Variants in SETD3 observed in about 807,000 individuals in gnomAD.
SETD3 encodes SET domain containing 3, actin N3(tau)-histidine methyltransferase, also known as actin-histidine N-methyltransferase.
In SETD3, 19 loss-of-function variants were observed where a neutral mutation model predicts 63.0. That is an observed-to-expected ratio of 0.30 (90% CI 0.21 to 0.44). The LOEUF is 0.44. SETD3 is among the 20% of genes least tolerant of loss of function. SETD3 has a pLI of 1.00. For missense variants in SETD3, 587 were observed against 728.5 expected (o/e 0.81, Z 2.24); for synonymous variants, 286 against 264.1 (o/e 1.08, Z -0.80).
At chr14:99,399,336 C>T (rs1373044349) in intron 12 of SETD3, among the ~76,000 whole-genome samples, 1 of 152,092 alleles carries the variant, frequency 6.6e-6, no homozygotes, top group Non-Finnish European at 1.5e-5. Flanking sequence ...TAAATTATAC[C>T]TCAATGGAAA....
chr14:99,432,021 G>C (rs539395831), intron 6 of SETD3, among the ~76,000 whole-genome samples: 1 of 152,250 alleles, frequency 6.6e-6, no homozygotes, highest in South Asian at 2.1e-4. Flanking sequence ...AATGACAGCT[G>C]TCATTCAAGA....
chr14:99,482,016 C>T (rs1896346081), upstream of SETD3, among the ~76,000 whole-genome samples: 1 of 152,150 alleles, frequency 6.6e-6, no homozygotes, highest in African/African-American at 2.4e-5. Context: ...ATCGTCTTTA[C>T]GGACCCGCTC....
chr14:99,411,225 G>C (rs1414304591), intron 8 of SETD3: 1 of 152,186 alleles, frequency 6.6e-6, no homozygotes, highest in Non-Finnish European at 1.5e-5. Flanking sequence ...GTTTCTGCCA[G>C]GACTGTGGTA....
upstream of SETD3, chr14:99,481,249 A>C (rs1356154466): frequency 1.5e-5 from 6 of 395,692 alleles, no homozygotes; most frequent in Non-Finnish European, 2.7e-5. Context: ...CTCTGTAAGC[A>C]GCAGCCACTG....
chr14:99,418,836 T>C (rs1241390098), intron 6 of SETD3, among the ~76,000 whole-genome samples: 2 of 152,016 alleles, frequency 1.3e-5, no homozygotes, highest in African/African-American at 4.8e-5. Context: ...AGAAGAAAGC[T>C]GAATATTGGA....
chr14:99,407,154 ACTG>A (rs1187861173), intron 8 of SETD3, among the ~76,000 whole-genome samples: 2 of 152,336 alleles, frequency 1.3e-5, no homozygotes, highest in South Asian at 2.1e-4. Context: ...AAATAAAATA[ACTG>A]CTGTTTTTTA....
rs982595962 is a variant in SETD3 at position 99,465,718 on chromosome 14, T to C, written c.88A>G (p.Ser30Gly). 3 of 1,613,856 alleles carry C rather than the reference T, an allele frequency of 1.9e-6. No individual in the cohort carries two copies. Among genetic ancestry groups the C allele is most frequent in the African/African-American group, 2.7e-5 (2 of 74,924 alleles). ...GAGGACTTACTCTGCAGCAGCTCAC[T>C]GGTCAGGTTCAAGATTTCCTTTGGT... ...VSPKEILNLT[S>G]ELLQKCSSPA... Residue 30 changes from serine (S) to glycine (G), a missense_variant, in exon 2 of 13, where the codon AGT becomes GGT. Ser to Gly is a moderately conservative substitution (Grantham distance 56, BLOSUM62 0). Coordinates refer to ENST00000331768, the MANE Select transcript of SETD3 (RefSeq NM_032233.3).
intron 7 of SETD3, 140 bp from the exon 8 acceptor site, chr14:99,413,205 C>T (rs2139643566): frequency 1.7e-6 from 1 of 603,984 alleles, no homozygotes; most frequent in South Asian, 2.1e-5. Flanking sequence ...AATGTTTGGC[C>T]TTCATCATCA....
chr14:99,458,862 T>G (rs954395758), intron 5 of SETD3, among the ~76,000 whole-genome samples: 7 of 150,162 alleles, frequency 4.7e-5, no homozygotes, highest in African/African-American at 1.5e-4. Flanking sequence ...AAGGCTGTAG[T>G]GAGCTATGAT....
chr14:99,451,098 G>A (rs1894433964), intron 6 of SETD3, among the ~76,000 whole-genome samples: 1 of 152,120 alleles, frequency 6.6e-6, no homozygotes, highest in South Asian at 2.1e-4. Context: ...AATCTGATAG[G>A]ATATACGTTG....
At chr14:99,403,432 C>CAT in intron 11 of SETD3, among the ~76,000 whole-genome samples, 1 of 115,114 alleles carries the variant, frequency 8.7e-6, no homozygotes, top group African/African-American at 4.2e-5. Context: ...GCAAAACATA[C>CAT]ACACACACAC....
chr14:99,402,239 C>G (rs1215010626), intron 11 of SETD3, among the ~76,000 whole-genome samples: 1 of 152,208 alleles, frequency 6.6e-6, no homozygotes, highest in East Asian at 1.9e-4. Context: ...TTCCTCCAGA[C>G]CCCTAGAGCA....
At position 99,443,341 on chromosome 14, in the gene SETD3, T is replaced by G. The variant is rs142195190; in HGVS notation, c.675+14938A>C. On this transcript the variant is annotated intron_variant, in intron 6 of 12. Coordinates refer to ENST00000331768, the MANE Select transcript of SETD3 (RefSeq NM_032233.3). ...GTGGCACTCAGTTCAAACCTCCGCC[T>G]CCTGGGTTCAAGCGATTCTCCTGCC... Among the ~76,000 whole-genome samples, 632 of 139,668 alleles carry G rather than the reference T, an allele frequency of 4.5e-3. 4 individuals carry two copies. The highest frequency in any genetic ancestry group is 0.029 in the East Asian group (131 of 4,504). The allele number at this position is 139,668 out of a possible 152,430, so 91.6% of individuals were successfully genotyped here. A position where few individuals can be genotyped will look rare whatever the true frequency, so the allele number is the denominator to read the frequency against.
At chr14:99,452,452 G>T (rs1215610477) in intron 6 of SETD3, among the ~76,000 whole-genome samples, 1 of 152,188 alleles carries the variant, frequency 6.6e-6, no homozygotes, top group African/African-American at 2.4e-5. Flanking sequence ...AAAGACAGAA[G>T]GTGATCTGAA....
chr14:99,410,328 T>C (rs1386352519), intron 8 of SETD3: 1 of 1,436,844 alleles, frequency 7.0e-7, no homozygotes, highest in Non-Finnish European at 9.6e-7. Flanking sequence ...CTTTTGAGAC[T>C]GTAAGACTCA....
chr14:99,409,211 G>A (rs2139631181), intron 8 of SETD3, among the ~76,000 whole-genome samples: 1 of 152,316 alleles, frequency 6.6e-6, no homozygotes, highest in Middle Eastern at 3.4e-3. Context: ...GCCATACTAT[G>A]CCAGGCCCTA....
At chr14:99,482,935 A>G (rs1896389227), upstream of SETD3, among the ~76,000 whole-genome samples, 1 of 152,252 alleles carries the variant, frequency 6.6e-6, no homozygotes, top group Non-Finnish European at 1.5e-5. Context: ...AAAAAAATCT[A>G]GAGGAATTAA....
chr14:99,415,602 G>GA (rs1247088302), intron 6 of SETD3, among the ~76,000 whole-genome samples: 95 of 146,070 alleles, frequency 6.5e-4, no homozygotes, highest in Middle Eastern at 3.4e-3. Context: ...ATCATTTAGG[G>GA]AAAAAAAAAA....
chr14:99,422,876 C>T (rs770821364), intron 6 of SETD3, among the ~76,000 whole-genome samples: 5 of 152,314 alleles, frequency 3.3e-5, no homozygotes, highest in South Asian at 4.1e-4. Context: ...GCTCAGTGTG[C>T]GGCTCTGTGG....
Sources: allele counts gnomAD v4.1 joint callset (sites outside exome capture counted in the v4.1 genomes callset), GRCh38; gene constraint gnomAD v4.1.1; transcripts MANE v1.5; gene names NCBI Gene and HGNC (gene_info 2026-07-23, HGNC 2026-07-21).